The following BAZ2B variants were observed in gnomAD, a reference collection of about 807,000 sequenced individuals.
BAZ2B encodes the protein bromodomain adjacent to zinc finger domain protein 2B.
A neutral mutation model predicts 246.0 loss-of-function variants in BAZ2B; 91 were observed. The observed-to-expected ratio is 0.37, with a 90% CI of 0.31 to 0.44. The LOEUF is 0.44. Among genes scored for constraint, BAZ2B ranks in the 20% least tolerant of loss-of-function variants. BAZ2B has a pLI of 1.00. For missense variants in BAZ2B, 2,332 were observed against 2,533.7 expected (o/e 0.92, Z 1.71); for synonymous variants, 855 against 860.0 (o/e 0.99, Z 0.10).
intron 4 of BAZ2B, among the ~76,000 whole-genome samples, chr2:159,450,577 A>G (rs2074939221): frequency 6.6e-6 from 1 of 152,198 alleles, no homozygotes; most frequent in African/African-American, 2.4e-5. Context: ...AATTTTTGTT[A>G]AGTGACAAGC....
intron 15 of BAZ2B, 34 bp downstream of exon 15, chr2:159,404,988 C>G (rs2065673255): frequency 6.2e-7 from 1 of 1,612,518 alleles, no homozygotes; most frequent in African/African-American, 1.3e-5. Flanking sequence ...CCAGTACTGA[C>G]TCTTCGAGTT....
Position 159,414,861 on chromosome 2 carries a change from T to C in BAZ2B, c.2467-2316A>G, listed in dbSNP as rs1285919709. On this transcript the variant is annotated intron_variant, in intron 13 of 36. Coordinates refer to ENST00000392783, the MANE Select transcript of BAZ2B (RefSeq NM_013450.4). ...CATGTACCCCATATATATATACCTA[T>C]TATGTACTCACAACAATGAAAAAAA... Among the ~76,000 whole-genome samples the C allele has an allele frequency of 2.6e-5, 4 of 151,858 alleles. No individual in the cohort carries two copies. The East Asian group carries it at 5.8e-4, about 22-fold the overall frequency.
the BAZ2B span, among the ~76,000 whole-genome samples, chr2:159,629,607 A>C: frequency 6.6e-6 from 1 of 152,068 alleles, no homozygotes; most frequent in African/African-American, 2.4e-5. Context: ...TCTCACTCAT[A>C]AGTGGGAGTT....
intron 1 of BAZ2B, chr2:159,615,896 A>G (rs544313355): frequency 5.9e-5 from 9 of 152,406 alleles, no homozygotes; most frequent in African/African-American, 2.2e-4. Context: ...TACTCCAGCG[A>G]AGTCCCGCAC....
chr2:159,411,651 A>G (rs1471704164), intron 14 of BAZ2B, among the ~76,000 whole-genome samples: 2 of 152,200 alleles, frequency 1.3e-5, no homozygotes, highest in East Asian at 3.8e-4. Flanking sequence ...CTCAAACTGC[A>G]AAGCCAAACT....
At chr2:159,491,175 T>G (rs894980796) in intron 2 of BAZ2B, among the ~76,000 whole-genome samples, 1 of 152,196 alleles carries the variant, frequency 6.6e-6, no homozygotes, top group Non-Finnish European at 1.5e-5. Context: ...CAACACTCAC[T>G]AATGTATGTC....
At chr2:159,637,030 T>C in the BAZ2B span, among the ~76,000 whole-genome samples, 1 of 152,148 alleles carries the variant, frequency 6.6e-6, no homozygotes, top group African/African-American at 2.4e-5. Context: ...GGGCCCTGAA[T>C]AACCAGCAGC....
upstream of BAZ2B, among the ~76,000 whole-genome samples, chr2:159,619,664 A>T (rs1460035546): frequency 1.3e-5 from 2 of 150,370 alleles, no homozygotes; most frequent in Admixed American, 6.6e-5. Flanking sequence ...GATTCTTCTT[A>T]AAAAAAAATG....
intron 27 of BAZ2B, among the ~76,000 whole-genome samples, chr2:159,367,010 T>C (rs972908360): frequency 3.3e-5 from 5 of 152,148 alleles, no homozygotes; most frequent in African/African-American, 1.2e-4. Flanking sequence ...TCAGCAAACC[T>C]GCTTAGCCAC....
rs762432125 is a variant in BAZ2B, at chr2:159,400,647, T to C, written c.2850A>G (p.Ile950Met). The C allele has an allele frequency of 3.2e-6, 5 of 1,573,746 alleles. No homozygotes were observed. The Admixed American group carries it at 5.2e-5, about 16-fold the overall frequency. The change falls in exon 17 of 37, where the codon ATA becomes ATG. Residue 950 changes from isoleucine to methionine, a missense_variant. Physicochemically the swap from Ile to Met is conservative, Grantham distance 10. Around this residue, in one of 9 missense-constraint regions of BAZ2B, gnomAD observed 651 missense variants for 650.9 expected, o/e 1.00. Coordinates refer to ENST00000392783, the MANE Select transcript of BAZ2B (RefSeq NM_013450.4). ...GTTCTTTTTCCATTCTGATTTGCTG[T>C]ATTCTCTTAATTTTTTCCTGTAGGA... Reference protein sequence around the residue: ...IMKQQEKIKRIQQIRMEKELR... With the variant: ...IMKQQEKIKRMQQIRMEKELR...
chr2:159,403,581 AATAT>A (rs1458875674), intron 16 of BAZ2B, among the ~76,000 whole-genome samples: 1 of 152,160 alleles, frequency 6.6e-6, no homozygotes, highest in Admixed American at 6.5e-5. Context: ...CTCTTTAGTA[AATAT>A]ATTTTAACGA....
At chr2:159,512,064 T>C (rs1408919927) in intron 2 of BAZ2B, among the ~76,000 whole-genome samples, 2 of 152,134 alleles carry the variant, frequency 1.3e-5, no homozygotes, top group Non-Finnish European at 2.9e-5. Context: ...CAGAAATATA[T>C]AGACAATGTA....
intron 2 of BAZ2B, among the ~76,000 whole-genome samples, chr2:159,535,751 CTCT>C (rs1261451102): frequency 6.6e-6 from 1 of 152,130 alleles, no homozygotes; most frequent in Admixed American, 6.6e-5. Context: ...TTAATATTCT[CTCT>C]TCATTATTAA....
the BAZ2B span, among the ~76,000 whole-genome samples, chr2:159,663,208 TTC>T: frequency 6.6e-6 from 1 of 151,612 alleles, no homozygotes; most frequent in South Asian, 2.1e-4. Context: ...TTTCTTTTTT[TTC>T]TTTTTTTTTT....
At position 159,409,639 on chromosome 2, in the gene BAZ2B, A is replaced by G. The variant is rs73006801; in HGVS notation, c.2677+2696T>C. ...ATATACAACAAAAACTTCTTCTAGAATCCTCTCAGATAACCCCCCAAAGTG... is the reference window on the plus strand; with the variant it reads ...ATATACAACAAAAACTTCTTCTAGAGTCCTCTCAGATAACCCCCCAAAGTG... On this transcript the variant is annotated intron_variant, in intron 14 of 36. Coordinates refer to ENST00000392783, the MANE Select transcript of BAZ2B (RefSeq NM_013450.4). Among the ~76,000 whole-genome samples, 828 of 152,294 alleles carry G rather than the reference A, an allele frequency of 5.4e-3. 5 individuals carry two copies. Among genetic ancestry groups the G allele is most frequent in the African/African-American group, 0.019 (777 of 41,566 alleles).
At chr2:159,649,981 T>C in the BAZ2B span, among the ~76,000 whole-genome samples, 2 of 152,278 alleles carry the variant, frequency 1.3e-5, no homozygotes, top group South Asian at 4.1e-4. Flanking sequence ...TTCACCAATC[T>C]TTTTCTTCTA....
At chr2:159,359,236 A>C (rs2059428525) in intron 27 of BAZ2B, among the ~76,000 whole-genome samples, 1 of 152,220 alleles carries the variant, frequency 6.6e-6, no homozygotes, top group Admixed American at 6.5e-5. Flanking sequence ...GAAAAGAGAG[A>C]AGAATCAAAT....
At chr2:159,335,819 C>G (rs2065573745) in intron 33 of BAZ2B, among the ~76,000 whole-genome samples, 1 of 152,178 alleles carries the variant, frequency 6.6e-6, no homozygotes, top group Non-Finnish European at 1.5e-5. Flanking sequence ...TTTAACCATT[C>G]ATGAAAAGAA....
At chr2:159,704,190 G>A in the BAZ2B span, among the ~76,000 whole-genome samples, 2 of 152,138 alleles carry the variant, frequency 1.3e-5, no homozygotes, top group African/African-American at 4.8e-5. Context: ...TAGTTAAGCA[G>A]TACATATGTC....
Sources: gnomAD v4.1 joint callset for allele counts (sites outside exome capture counted in the v4.1 genomes callset) on GRCh38, gnomAD v4.1.1 for gene constraint, gnomAD v4.1.1 regional missense constraint, MANE v1.5 for transcripts, NCBI Gene and HGNC (gene_info 2026-07-23, HGNC 2026-07-21) for gene names.